GAB2: variants seen among roughly 807,000 people sequenced by gnomAD.
GAB2 encodes the protein GRB2 associated binding protein 2, also known as GRB2-associated-binding protein 2.
Under a neutral mutation model 65.5 loss-of-function variants are expected in GAB2, and 26 were observed. The ratio of observed to expected loss-of-function variants is 0.40; its 90% CI spans 0.29 to 0.55. GAB2 has a LOEUF of 0.55. Among genes scored for constraint, GAB2 ranks in the 20% least tolerant of loss-of-function variants. The pLI is 0.53. For missense variants in GAB2, 884 were observed against 875.8 expected (o/e 1.01, Z -0.12); for synonymous variants, 321 against 329.6 (o/e 0.97, Z 0.28).
intron 1 of GAB2, among the ~76,000 whole-genome samples, chr11:78,334,199 C>T (rs185698850): frequency 6.6e-6 from 1 of 152,274 alleles, no homozygotes; most frequent in East Asian, 1.9e-4. Flanking sequence ...ATAATCACAT[C>T]ATGGAGAATA....
At position 78,222,088 on chromosome 11, in the gene GAB2, C is replaced by A. The variant is rs780804108; in HGVS notation, c.1658+17G>T. 1.9e-6 allele frequency: 3 copies of A among 1,548,698 alleles called. No individual in the cohort carries two copies. The highest frequency in any genetic ancestry group is 2.7e-6 in the Non-Finnish European group (3 of 1,120,274). On this transcript the variant is annotated intron_variant, in intron 7 of 9. Coordinates refer to ENST00000361507, the MANE Select transcript of GAB2 (RefSeq NM_080491.3). ...TGGCCCGACTCCAAGCTCCCACCCC[C>A]ACACATACGCACTTACTTGGCCCTA... is the stretch of plus-strand genomic sequence containing the variant.
In GAB2 at chr11:78,247,728, A is replaced by G. The variant is rs543388803; in HGVS notation, c.620+2429T>C. 7.9e-5 allele frequency among the ~76,000 whole-genome samples: 12 copies of G among 152,272 alleles called. No individual in the cohort carries two copies. In the South Asian group the frequency reaches 1.9e-3, roughly 24 times the overall value. On this transcript the variant is annotated intron_variant, in intron 3 of 9. Coordinates refer to ENST00000361507, the MANE Select transcript of GAB2 (RefSeq NM_080491.3). ...TTTTTTAATATTTTGTCCAGAGTTTATAATTATTACAGTAGGTTTAGCATG... is the reference window on the plus strand; with the variant it reads ...TTTTTTAATATTTTGTCCAGAGTTTGTAATTATTACAGTAGGTTTAGCATG...
At position 78,308,270 on chromosome 11, in the gene GAB2, C is replaced by T. The variant is rs568021570; in HGVS notation, c.76-27369G>A. 1.6e-4 allele frequency among the ~76,000 whole-genome samples: 24 copies of T among 152,100 alleles called. No individual in the cohort carries two copies. In the South Asian group the frequency reaches 2.5e-3, roughly 16 times the overall value. On this transcript the variant is annotated intron_variant, in intron 1 of 9. Transcript: ENST00000361507. ...GACAGTCTAGATTTTAAGCACAGGA[C>T]GCATAGAAAGAGAGGGCATACGGGA... is the stretch of plus-strand genomic sequence containing the variant.
At chr11:78,248,683 G>C (rs912630480) in intron 3 of GAB2, among the ~76,000 whole-genome samples, 3 of 152,164 alleles carry the variant, frequency 2.0e-5, no homozygotes, top group African/African-American at 7.2e-5. Flanking sequence ...ACACTCATTA[G>C]TAAGCCTTTG....
At chr11:78,299,910 G>A (rs148550167) in intron 1 of GAB2, among the ~76,000 whole-genome samples, 1 of 152,082 alleles carries the variant, frequency 6.6e-6, no homozygotes, top group African/African-American at 2.4e-5. Context: ...AATGACCCTG[G>A]GCTGATCCTT....
At chr11:78,385,273 G>T (rs557009228) in intron 1 of GAB2, among the ~76,000 whole-genome samples, 2 of 152,294 alleles carry the variant, frequency 1.3e-5, no homozygotes, top group East Asian at 3.9e-4. Flanking sequence ...GATCTTCACG[G>T]GAAAGGCCAC....
At chr11:78,364,414 A>C (rs1856471671) in intron 1 of GAB2, among the ~76,000 whole-genome samples, 3 of 152,226 alleles carry the variant, frequency 2.0e-5, no homozygotes, top group Admixed American at 1.3e-4. Context: ...ATGTCTTTTA[A>C]ATTGTAGCAC....
chr11:78,300,685 G>GGTTT (rs1866981669), intron 1 of GAB2, among the ~76,000 whole-genome samples: 1 of 120,684 alleles, frequency 8.3e-6, no homozygotes, highest in African/African-American at 3.5e-5. Flanking sequence ...TTTTTTTTTG[G>GGTTT]TTTTTTTTTG....
chr11:78,320,101 T>C (rs1425795788), intron 1 of GAB2, among the ~76,000 whole-genome samples: 1 of 152,246 alleles, frequency 6.6e-6, no homozygotes. Context: ...CTGGAACTCC[T>C]GGCCTCGATC....
At chr11:78,398,928 G>A (rs1171567696) in intron 1 of GAB2, among the ~76,000 whole-genome samples, 4 of 152,176 alleles carry the variant, frequency 2.6e-5, no homozygotes, top group African/African-American at 9.7e-5. Context: ...ATAGGCTCCT[G>A]CTGGTTAAAG....
intron 1 of GAB2, among the ~76,000 whole-genome samples, chr11:78,339,285 T>C (rs759126983): frequency 6.6e-6 from 1 of 152,196 alleles, no homozygotes; most frequent in Non-Finnish European, 1.5e-5. Context: ...TCTTTCACAC[T>C]TGAAATCCAG....
intron 1 of GAB2, among the ~76,000 whole-genome samples, chr11:78,332,289 T>C (rs999352228): frequency 1.3e-5 from 2 of 152,152 alleles, no homozygotes; most frequent in Admixed American, 6.5e-5. Context: ...CCCTGGTTTT[T>C]AAAGAAGTGA....
rs564420380 is a variant in GAB2, at chr11:78,309,638, A to G, written c.76-28737T>C. Among the ~76,000 whole-genome samples, 4 of 151,502 alleles carry G rather than the reference A, an allele frequency of 2.6e-5. No homozygotes were observed. The South Asian group carries it at 8.3e-4, about 31-fold the overall frequency. On this transcript the variant is annotated intron_variant, in intron 1 of 9. Coordinates refer to ENST00000361507, the MANE Select transcript of GAB2 (RefSeq NM_080491.3). The stretch of plus-strand genomic sequence containing the variant: ...AGGCACATGCCACCATGCCTGGCTA[A>G]TATTTTTTTAAAAAACCTGTCTTGA...
intron 1 of GAB2, among the ~76,000 whole-genome samples, chr11:78,358,342 G>C (rs1856388334): frequency 6.6e-6 from 1 of 151,250 alleles, no homozygotes; most frequent in African/African-American, 2.4e-5. Flanking sequence ...TATACCTAAT[G>C]TAAACGACAA....
intron 1 of GAB2, among the ~76,000 whole-genome samples, chr11:78,404,442 G>A (rs1401298470): frequency 2.6e-5 from 4 of 152,232 alleles, no homozygotes; most frequent in African/African-American, 7.2e-5. Flanking sequence ...AGCTACTCAG[G>A]AGGATGAGGT....
Position 78,342,781 on chromosome 11 carries a change from A to C in GAB2, c.76-61880T>G, listed in dbSNP as rs865990664. Among the ~76,000 whole-genome samples, 6 of 152,298 alleles carry C rather than the reference A, an allele frequency of 3.9e-5. 1 individual carries two copies. Among genetic ancestry groups the C allele is most frequent in the Middle Eastern group, 6.8e-3 (2 of 294 alleles). On this transcript the variant is annotated intron_variant, in intron 1 of 9. Transcript: ENST00000361507. ...TTTTTGTAAATTGGTTTTGAGGCCC[A>C]GGTTCACATCATTTAGACATCCTCC... is the stretch of plus-strand genomic sequence containing the variant.
chr11:78,263,077 C>A (rs921361287), intron 2 of GAB2, among the ~76,000 whole-genome samples: 3 of 152,184 alleles, frequency 2.0e-5, no homozygotes, highest in Non-Finnish European at 4.4e-5. Flanking sequence ...ACTAAAAGTT[C>A]TCACTCTGGT....
At position 78,235,447 on chromosome 11, in the gene GAB2, C is replaced by T. The variant is rs116850214; in HGVS notation, c.621-8396G>A. Among the ~76,000 whole-genome samples, 748 of 152,250 alleles carry T rather than the reference C, an allele frequency of 4.9e-3. 15 individuals are homozygous for T. The highest frequency in any genetic ancestry group is 0.016 in the East Asian group (81 of 5,162). On this transcript the variant is annotated intron_variant, in intron 3 of 9. Coordinates refer to ENST00000361507, the MANE Select transcript of GAB2 (RefSeq NM_080491.3). The stretch of plus-strand genomic sequence containing the variant: ...GATTACAGGCTTGAGCCACTGCGCC[C>T]GGCTGGGTGTTTCTTTTCTATCACA...
intron 1 of GAB2, among the ~76,000 whole-genome samples, chr11:78,385,416 T>C (rs748216503): frequency 1.3e-5 from 2 of 152,212 alleles, no homozygotes; most frequent in Non-Finnish European, 2.9e-5. Context: ...GAGGTTTAGA[T>C]GGAGTTCAGG....
Sources: allele counts gnomAD v4.1 joint callset (sites outside exome capture counted in the v4.1 genomes callset), GRCh38; gene constraint gnomAD v4.1.1; transcripts MANE v1.5; gene names NCBI Gene and HGNC (gene_info 2026-07-23, HGNC 2026-07-21).